Variants in LIPC observed in about 807,000 individuals in gnomAD.
The protein encoded by LIPC is lipase C, hepatic type, also known as hepatic triacylglycerol lipase.
Under a neutral mutation model 50.7 loss-of-function variants are expected in LIPC, and 44 were observed. That is an observed-to-expected ratio of 0.87 (90% CI 0.68 to 1.11). The LOEUF (loss-of-function observed/expected upper bound fraction) is 1.11. Ranked by LOEUF, LIPC falls within the 50% of genes most tolerant of loss-of-function variation. The pLI, the probability that LIPC is intolerant of heterozygous loss-of-function variation, is 0.00. For synonymous variants in LIPC, 271 were observed against 256.4 expected (o/e 1.06, Z -0.54); for missense variants, 697 against 648.2 (o/e 1.08, Z -0.82).
chr15:58,442,375 AC>A (rs1595849566), intron 1 of LIPC, among the ~76,000 whole-genome samples: 2 of 152,176 alleles, frequency 1.3e-5, no homozygotes, highest in East Asian at 3.8e-4. Flanking sequence ...ATTCCCAGAC[AC>A]CCGGAGGACA....
At position 58,559,453 on chromosome 15, in the gene LIPC, T is replaced by C. The variant is rs77144723; in HGVS notation, c.1052-1411T>C. On this transcript the variant is annotated intron_variant, in intron 6 of 8. Coordinates refer to ENST00000299022, the MANE Select transcript of LIPC (RefSeq NM_000236.3). ...GTATTCCATAAATCCCTTATCCTTT[T>C]CCCAAACCAGACACTCATCTTGCCC... is the stretch of plus-strand genomic sequence containing the variant. Among the ~76,000 whole-genome samples the C allele has an allele frequency of 3.8e-3, 579 of 152,264 alleles. 5 individuals are homozygous for C. Among genetic ancestry groups the C allele is most frequent in the African/African-American group, 0.013 (560 of 41,556 alleles).
At chr15:58,481,702 G>A (rs1891195360) in intron 1 of LIPC, among the ~76,000 whole-genome samples, 2 of 152,198 alleles carry the variant, frequency 1.3e-5, no homozygotes, top group African/African-American at 4.8e-5. Flanking sequence ...AGAGGCTGAG[G>A]CAGGGAGAAT....
chr15:58,473,864 C>G (rs1023323707), intron 1 of LIPC: 2 of 152,458 alleles, frequency 1.3e-5, no homozygotes, highest in African/African-American at 2.4e-5. Context: ...AGAGTCTTGA[C>G]GATCCCCAAG....
intron 1 of LIPC, among the ~76,000 whole-genome samples, chr15:58,459,053 T>G (rs1894238999): frequency 6.6e-6 from 1 of 152,174 alleles, no homozygotes; most frequent in African/African-American, 2.4e-5. Flanking sequence ...TGGCTATAGG[T>G]GCAATACATT....
intron 8 of LIPC, chr15:58,565,579 T>C (rs1464308172): frequency 5.3e-6 from 6 of 1,130,952 alleles, no homozygotes; most frequent in Non-Finnish European, 6.6e-6. Flanking sequence ...ATTAGGAACC[T>C]GAGGCTCACA....
intron 1 of LIPC, among the ~76,000 whole-genome samples, chr15:58,449,992 G>A (rs1325058986): frequency 6.6e-6 from 1 of 152,196 alleles, no homozygotes; most frequent in African/African-American, 2.4e-5. Flanking sequence ...AGAGGGACCA[G>A]CCTGTCCTCT....
intron 1 of LIPC, among the ~76,000 whole-genome samples, chr15:58,535,927 G>C (rs1595928858): frequency 6.6e-6 from 1 of 152,198 alleles, no homozygotes; most frequent in Non-Finnish European, 1.5e-5. Context: ...AATGGCTGAA[G>C]ATTGAGTGCC....
intron 4 of LIPC, 134 bp downstream of exon 4, chr15:58,542,785 T>A: frequency 1.5e-6 from 1 of 673,020 alleles, no homozygotes; most frequent in South Asian, 1.5e-5. Flanking sequence ...TGAGAGGACT[T>A]GTGACATTCT....
chr15:58,476,743 A>G lies in LIPC; in HGVS notation c.88+44623A>G, dbSNP rs1891013115. Among the ~76,000 whole-genome samples the G allele has an allele frequency of 2.6e-5, 4 of 152,352 alleles. No homozygotes were observed. In the South Asian group the frequency reaches 8.3e-4, roughly 32 times the overall value. On this transcript the variant is annotated intron_variant, in intron 1 of 8. Coordinates refer to ENST00000299022, the MANE Select transcript of LIPC (RefSeq NM_000236.3). ...CATCTTGGGCAAGCCATTTGGCCCG[A>G]GTCTTTTTCCCCACCTATGAAACAA...
chr15:58,446,270 T>G (rs1893692031), intron 1 of LIPC, among the ~76,000 whole-genome samples: 1 of 152,166 alleles, frequency 6.6e-6, no homozygotes, highest in Non-Finnish European at 1.5e-5. Context: ...GGTATGATCT[T>G]GGCTCACTGA....
intron 1 of LIPC, among the ~76,000 whole-genome samples, chr15:58,476,265 G>A (rs1490807791): frequency 6.6e-6 from 1 of 152,260 alleles, no homozygotes; most frequent in Non-Finnish European, 1.5e-5. Flanking sequence ...GTCCAGTTGA[G>A]AAGAAAGCAG....
intron 1 of LIPC, chr15:58,495,008 C>T (rs1317174018): frequency 2.5e-6 from 1 of 399,320 alleles, no homozygotes; most frequent in Non-Finnish European, 5.0e-6. Context: ...TCCTTCCCTC[C>T]CCTGCCCCCT....
At chr15:58,500,973 G>C (rs1226929383) in intron 1 of LIPC, among the ~76,000 whole-genome samples, 1 of 151,980 alleles carries the variant, frequency 6.6e-6, no homozygotes, top group African/African-American at 2.4e-5. Flanking sequence ...GCTCCCATTA[G>C]TGACACAACC....
intron 1 of LIPC, chr15:58,435,854 T>C (rs1347354965): frequency 6.6e-6 from 1 of 152,140 alleles, no homozygotes; most frequent in Non-Finnish European, 1.5e-5. Context: ...GAGGTTGCAA[T>C]GAGCCGAGAT....
At chr15:58,481,995 G>T (rs910588261) in intron 1 of LIPC, among the ~76,000 whole-genome samples, 2 of 152,174 alleles carry the variant, frequency 1.3e-5, no homozygotes, top group Non-Finnish European at 2.9e-5. Context: ...GGGGCAGCAG[G>T]GAAAGAGCCT....
chr15:58,554,422 C>T (rs1385971564), intron 6 of LIPC, among the ~76,000 whole-genome samples: 3 of 152,204 alleles, frequency 2.0e-5, no homozygotes, highest in South Asian at 2.1e-4. Flanking sequence ...CATTTTTTAA[C>T]GTCCTTATTA....
intron 1 of LIPC, among the ~76,000 whole-genome samples, chr15:58,514,696 C>T (rs1366412760): frequency 3.3e-5 from 5 of 152,108 alleles, no homozygotes; most frequent in Admixed American, 3.3e-4. Flanking sequence ...TGGTGGTGCA[C>T]ACCTGTAATC....
chr15:58,525,818 G>C (rs1372425810), intron 1 of LIPC, among the ~76,000 whole-genome samples: 1 of 152,186 alleles, frequency 6.6e-6, no homozygotes, highest in African/African-American at 2.4e-5. Flanking sequence ...TTACTGATCA[G>C]GTGCAGAAGA....
At chr15:58,563,134 T>C (rs189521994) in intron 7 of LIPC, among the ~76,000 whole-genome samples, 1 of 152,288 alleles carries the variant, frequency 6.6e-6, no homozygotes, top group Non-Finnish European at 1.5e-5. Context: ...GCAGGCATAC[T>C]ATGTTAAACC....
Sources: allele counts gnomAD v4.1 joint callset (sites outside exome capture counted in the v4.1 genomes callset), GRCh38; gene constraint gnomAD v4.1.1; transcripts MANE v1.5; gene names NCBI Gene and HGNC (gene_info 2026-07-23, HGNC 2026-07-21).